NRXN1: variants seen among roughly 807,000 people sequenced by gnomAD.
NRXN1 encodes neurexin 1.
In NRXN1, 39 loss-of-function variants were observed where a neutral mutation model predicts 150.9. The observed-to-expected ratio is 0.26, with a 90% confidence interval of 0.20 to 0.34. NRXN1 has a LOEUF of 0.34. Ranked by LOEUF, NRXN1 falls within the 10% of genes least tolerant of loss-of-function variation. The pLI is 1.00. For missense variants in NRXN1, 1,815 were observed against 1,949.9 expected (o/e 0.93, Z 1.30); for synonymous variants, 924 against 757.0 (o/e 1.22, Z -3.62).
At chr2:50,067,254 T>G (rs1234172785) in intron 19 of NRXN1, among the ~76,000 whole-genome samples, 1 of 152,210 alleles carries the variant, frequency 6.6e-6, no homozygotes, top group Non-Finnish European at 1.5e-5. Flanking sequence ...TTCCTTCACA[T>G]CCCTCTCTTA....
intron 2 of NRXN1, among the ~76,000 whole-genome samples, chr2:50,985,870 T>A (rs1162447158): frequency 1.3e-5 from 2 of 151,742 alleles, no homozygotes; most frequent in Admixed American, 6.6e-5. Flanking sequence ...ATAAACATAT[T>A]TGTCCCATAT....
chr2:50,616,200 C>T (rs1333410617), intron 8 of NRXN1: 1 of 151,874 alleles, frequency 6.6e-6, no homozygotes, highest in Non-Finnish European at 1.5e-5. Flanking sequence ...CTACTTTGAT[C>T]TCTATTTGAA....
At chr2:50,168,117 G>A (rs6734277) in intron 18 of NRXN1, among the ~76,000 whole-genome samples, 20,799 of 151,884 alleles carry the variant, frequency 0.14, 1,604 homozygotes, top group South Asian at 0.17. Flanking sequence ...AGAAGGATGT[G>A]TCTCTGCCTC....
intron 2 of NRXN1, among the ~76,000 whole-genome samples, chr2:50,981,524 G>T (rs1275386393): frequency 1.4e-5 from 2 of 143,128 alleles, no homozygotes; most frequent in South Asian, 2.3e-4. Flanking sequence ...CTTATTCATT[G>T]TGGAAGATTG....
chr2:50,644,764 T>C (rs1294338233), intron 5 of NRXN1, among the ~76,000 whole-genome samples: 1 of 146,844 alleles, frequency 6.8e-6, no homozygotes, highest in Non-Finnish European at 1.5e-5. Context: ...TACAAATATT[T>C]ATATATAAAT....
intron 16 of NRXN1, among the ~76,000 whole-genome samples, chr2:50,470,860 A>G (rs1389083546): frequency 6.6e-6 from 1 of 151,770 alleles, no homozygotes; most frequent in Non-Finnish European, 1.5e-5. Context: ...AAGTACTCCT[A>G]CAGATCTTGG....
At chr2:50,284,950 A>G (rs888495231) in intron 17 of NRXN1, among the ~76,000 whole-genome samples, 1 of 152,180 alleles carries the variant, frequency 6.6e-6, no homozygotes, top group African/African-American at 2.4e-5. Context: ...AAACATCACC[A>G]AACTTCTGTA....
At chr2:50,781,757 T>A (rs1036491487) in intron 5 of NRXN1, among the ~76,000 whole-genome samples, 4 of 152,240 alleles carry the variant, frequency 2.6e-5, no homozygotes, top group Admixed American at 2.6e-4. Flanking sequence ...AAAATATTTA[T>A]GCCTTTTTAT....
chr2:50,402,361 T>A (rs2082447170), intron 17 of NRXN1, among the ~76,000 whole-genome samples: 1 of 151,932 alleles, frequency 6.6e-6, no homozygotes, highest in African/African-American at 2.4e-5. Flanking sequence ...TTTTTTAACA[T>A]CAAAAAAATG....
At chr2:50,007,066 G>C (rs1001152745) in intron 21 of NRXN1, among the ~76,000 whole-genome samples, 3 of 152,120 alleles carry the variant, frequency 2.0e-5, no homozygotes, top group African/African-American at 7.2e-5. Context: ...GAACAGGCCA[G>C]GTACAGTGGC....
At chr2:50,342,753 A>G (rs1255179357) in intron 17 of NRXN1, among the ~76,000 whole-genome samples, 1 of 152,218 alleles carries the variant, frequency 6.6e-6, no homozygotes, top group African/African-American at 2.4e-5. Flanking sequence ...GGCATAGAGG[A>G]CCCTCTTAGT....
chr2:50,807,119 T>TA (rs148039275), intron 5 of NRXN1, among the ~76,000 whole-genome samples: 1,892 of 152,282 alleles, frequency 0.012, 47 homozygotes, highest in African/African-American at 0.043. Context: ...CAAAACCTCT[T>TA]AGAGTCTCTG....
chr2:49,922,667 T>G (rs1668434406), intron 22 of NRXN1, among the ~76,000 whole-genome samples: 1 of 152,172 alleles, frequency 6.6e-6, no homozygotes, highest in Admixed American at 6.5e-5. Flanking sequence ...TAGGTCTAAC[T>G]CTAGACTGAA....
chr2:50,289,641 G>A (rs192595055), intron 17 of NRXN1, among the ~76,000 whole-genome samples: 6 of 152,170 alleles, frequency 3.9e-5, no homozygotes, highest in Admixed American at 6.6e-5. Context: ...GAATTTTCAG[G>A]TAGGCTTAAT....
At chr2:50,068,072 T>C (rs191814632) in intron 19 of NRXN1, among the ~76,000 whole-genome samples, 1 of 152,348 alleles carries the variant, frequency 6.6e-6, no homozygotes, top group Non-Finnish European at 1.5e-5. Context: ...GAAAGTTCCC[T>C]ATTCTCAAGT....
intron 22 of NRXN1, among the ~76,000 whole-genome samples, chr2:49,927,540 G>A (rs1188653649): frequency 6.6e-6 from 1 of 152,158 alleles, no homozygotes; most frequent in Non-Finnish European, 1.5e-5. Context: ...ATACATTTTT[G>A]AATGTTAATA....
chr2:50,722,987 C>T (rs1371342019), intron 5 of NRXN1, among the ~76,000 whole-genome samples: 1 of 152,090 alleles, frequency 6.6e-6, no homozygotes, highest in African/African-American at 2.4e-5. Context: ...TAGAGTCATT[C>T]TCCTGCTTGG....
chr2:50,605,328 T>C, intron 8 of NRXN1, among the ~76,000 whole-genome samples: 1 of 152,192 alleles, frequency 6.6e-6, no homozygotes, highest in East Asian at 1.9e-4. Context: ...TATTTGTAAA[T>C]CCAGCATCTA....
chr2:50,502,380 G>A (rs1281186908), intron 13 of NRXN1, among the ~76,000 whole-genome samples: 1 of 151,970 alleles, frequency 6.6e-6, no homozygotes. Context: ...CAACTAAGAA[G>A]GCAGAACTAC....
Sources: gnomAD v4.1 joint callset for allele counts (sites outside exome capture counted in the v4.1 genomes callset) on GRCh38, gnomAD v4.1.1 for gene constraint, MANE v1.5 for transcripts, NCBI Gene and HGNC (gene_info 2026-07-23, HGNC 2026-07-21) for gene names.